Variants in RETREG3 observed in about 807,000 individuals in gnomAD.
RETREG3 encodes the protein reticulophagy regulator 3.
A neutral mutation model predicts 50.2 loss-of-function variants in RETREG3; 23 were observed. The ratio of observed to expected loss-of-function variants is 0.46; its 90% CI spans 0.33 to 0.65. RETREG3 has a LOEUF of 0.65. RETREG3 is among the 30% of genes least tolerant of loss of function. The probability of loss-of-function intolerance (pLI) is 0.02; values close to 1 mark genes in which losing one functional copy is unlikely to be tolerated. For synonymous variants in RETREG3, 240 were observed against 234.4 expected (o/e 1.02, Z -0.22); for missense variants, 546 against 598.0 (o/e 0.91, Z 0.91).
intron 5 of RETREG3, among the ~76,000 whole-genome samples, chr17:42,585,683 G>A (rs1397267146): frequency 6.6e-6 from 1 of 152,152 alleles, no homozygotes; most frequent in African/African-American, 2.4e-5. Flanking sequence ...TGCTCCAAGT[G>A]GGAAAAAAGT....
chr17:42,591,950 C>A, intron 2 of RETREG3, 106 bp downstream of exon 2: 1 of 925,362 alleles, frequency 1.1e-6, no homozygotes, highest in South Asian at 1.9e-5. Context: ...CTTCAAAAGA[C>A]AGTCCCCAGC....
At chr17:42,585,007 C>G in intron 6 of RETREG3, 118 bp downstream of exon 6, 1 of 1,265,098 alleles carries the variant, frequency 7.9e-7, no homozygotes, top group Non-Finnish European at 1.1e-6. Context: ...TCAATCCTCA[C>G]CCCCACCAAC....
At chr17:42,602,440 C>T (rs989449524) in intron 1 of RETREG3, among the ~76,000 whole-genome samples, 1 of 152,140 alleles carries the variant, frequency 6.6e-6, no homozygotes, top group African/African-American at 2.4e-5. Context: ...CGACTAATAG[C>T]CTTATGTAAT....
intron 6 of RETREG3, 87 bp downstream of exon 6, chr17:42,585,038 G>C: frequency 6.6e-7 from 1 of 1,519,932 alleles, no homozygotes; most frequent in Non-Finnish European, 8.9e-7. Context: ...TTCCACTTTT[G>C]AGGACCCACC....
intron 1 of RETREG3, 139 bp downstream of exon 1, chr17:42,608,947 T>G: frequency 7.7e-6 from 6 of 778,754 alleles, no homozygotes; most frequent in East Asian, 2.8e-5. Flanking sequence ...CGGGATGGAG[T>G]GGAAGGAGGT....
At chr17:42,602,922 GAC>G (rs2093161171) in intron 1 of RETREG3, among the ~76,000 whole-genome samples, 1 of 152,032 alleles carries the variant, frequency 6.6e-6, no homozygotes, top group African/African-American at 2.4e-5. Flanking sequence ...GAGCCTGGGC[GAC>G]AGTGAGATCC....
rs571301248 is a variant in RETREG3, at chr17:42,605,852, G to A, written c.239+3234C>T. 8.0e-4 allele frequency among the ~76,000 whole-genome samples: 121 copies of A among 152,090 alleles called. 1 individual carries two copies. Among genetic ancestry groups the A allele is most frequent in the African/African-American group, 2.7e-3 (111 of 41,498 alleles). ...ACAAAAATACAAAAATTAGCCAGAC[G>A]TGATGGTGGGTGCCTGTAATCCCAG... On this transcript the variant is annotated intron_variant, in intron 1 of 8. Transcript: ENST00000309428.
intron 1 of RETREG3, among the ~76,000 whole-genome samples, chr17:42,599,541 C>T (rs2093154579): frequency 6.6e-6 from 1 of 151,292 alleles, no homozygotes; most frequent in Non-Finnish European, 1.5e-5. Flanking sequence ...GTAATCTCAG[C>T]TACTCAGGAG....
chr17:42,601,650 G>C (rs1398361356), intron 1 of RETREG3, among the ~76,000 whole-genome samples: 3 of 17,346 alleles, frequency 1.7e-4, no homozygotes, highest in Admixed American at 7.6e-4. Flanking sequence ...TTTTTTTTTT[G>C]AGACGGAGTC....
chr17:42,595,858 G>A (rs554825336), intron 1 of RETREG3, among the ~76,000 whole-genome samples: 6 of 148,944 alleles, frequency 4.0e-5, no homozygotes, highest in Non-Finnish European at 7.4e-5. Flanking sequence ...ACGTGTTCAC[G>A]CCACTGCACC....
At chr17:42,605,449 A>G (rs978782610) in intron 1 of RETREG3, among the ~76,000 whole-genome samples, 1 of 152,080 alleles carries the variant, frequency 6.6e-6, no homozygotes, top group Non-Finnish European at 1.5e-5. Context: ...TTAACTGAAC[A>G]GTCAGTCACT....
Position 42,583,542 on chromosome 17 carries a change from T to C in RETREG3, c.766A>G (p.Asn256Asp). 1.9e-6 allele frequency: 3 copies of C among 1,613,916 alleles called. No homozygotes were observed. The highest frequency in any genetic ancestry group is 2.5e-6 in the Non-Finnish European group (3 of 1,179,852). ...AGCTCCTCTTCGCTGTCACTGTGGT[T>C]GTCCATGGCTCGTTCTGGGTGGAGA... ...RALHPERAMD[N>D]HSDSEEELAA... is the part of the protein sequence containing the mutation. Residue 256 changes from asparagine (N) to aspartate (D), a missense_variant, in exon 7 of 9, where the codon AAC (asparagine) becomes GAC (aspartate). Coordinates refer to ENST00000309428, the MANE Select transcript of RETREG3 (RefSeq NM_178126.4).
At chr17:42,588,166 TTGAG>T (rs1339015809) in intron 2 of RETREG3, among the ~76,000 whole-genome samples, 1 of 152,196 alleles carries the variant, frequency 6.6e-6, no homozygotes, top group African/African-American at 2.4e-5. Flanking sequence ...ATCTCACCCC[TTGAG>T]TGTGTCTGGG....
At chr17:42,586,988 T>C (rs980494399) in intron 3 of RETREG3, 97 bp from the exon 4 acceptor site, 3 of 1,526,036 alleles carry the variant, frequency 2.0e-6, no homozygotes, top group Admixed American at 2.0e-5. Context: ...TAAATGGGGT[T>C]TGGGGAGTGA....
intron 4 of RETREG3, 184 bp downstream of exon 4, chr17:42,586,581 C>T: frequency 1.4e-6 from 1 of 730,072 alleles, no homozygotes; most frequent in South Asian, 2.5e-5. Context: ...AATGAGCAGT[C>T]ACCAAGCTCC....
chr17:42,591,342 C>CT (rs796516343), intron 2 of RETREG3, among the ~76,000 whole-genome samples: 2,683 of 140,304 alleles, frequency 0.019, 72 homozygotes, highest in African/African-American at 0.058. Context: ...ATGGTACTTT[C>CT]TTTTTTTTTT....
chr17:42,582,596 C>G, intron 8 of RETREG3, 78 bp downstream of exon 8: 1 of 1,573,436 alleles, frequency 6.4e-7, no homozygotes, highest in South Asian at 1.1e-5. Context: ...GGGGCAAGCA[C>G]CAGTATCCCC....
In RETREG3 at chr17:42,581,718, G is replaced by A. The variant is rs930892399; in HGVS notation, c.*95C>T. The A allele has an allele frequency of 2.6e-6, 3 of 1,144,562 alleles. No individual in the cohort carries two copies. The highest frequency in any genetic ancestry group is 3.6e-6 in the Non-Finnish European group (3 of 826,440). 70.9% of individuals were successfully genotyped at this position (1,144,562 alleles called of 1,614,324 possible). A position where few individuals can be genotyped will look rare whatever the true frequency, so the allele number is the denominator to read the frequency against. The stretch of plus-strand genomic sequence containing the variant: ...ACCCAGCATACAAATATAATTCAGG[G>A]GAGGGGAGCTGAGTTCTTCCCTTGC... On this transcript the variant is annotated 3_prime_UTR_variant, in exon 9 of 9. Coordinates refer to ENST00000309428, the MANE Select transcript of RETREG3 (RefSeq NM_178126.4).
chr17:42,588,407 G>A (rs928382292), intron 2 of RETREG3, among the ~76,000 whole-genome samples: 6 of 151,794 alleles, frequency 4.0e-5, no homozygotes, highest in South Asian at 2.1e-4. Flanking sequence ...CACAATGCCC[G>A]GCTAATTTTT....
Sources: allele counts gnomAD v4.1 joint callset (sites outside exome capture counted in the v4.1 genomes callset), GRCh38; gene constraint gnomAD v4.1.1; transcripts MANE v1.5; gene names NCBI Gene and HGNC (gene_info 2026-07-23, HGNC 2026-07-21).